PLXDC2: variants seen among roughly 807,000 people sequenced by gnomAD.
PLXDC2 encodes the protein plexin domain containing 2.
Under a neutral mutation model 68.9 loss-of-function variants are expected in PLXDC2, and 40 were observed. The ratio of observed to expected loss-of-function variants is 0.58; its 90% CI spans 0.45 to 0.76. The LOEUF (loss-of-function observed/expected upper bound fraction) is 0.76. Ranked by LOEUF, PLXDC2 falls within the 30% of genes least tolerant of loss-of-function variation. The pLI is 0.00. For synonymous variants in PLXDC2, 243 were observed against 234.2 expected, an observed-to-expected ratio of 1.04 and a Z score of -0.34; for missense variants, 644 against 661.9, an observed-to-expected ratio of 0.97 and a Z score of 0.30.
At chr10:19,882,771 G>T (rs984940833) in intron 1 of PLXDC2, among the ~76,000 whole-genome samples, 27 of 152,122 alleles carry the variant, frequency 1.8e-4, no homozygotes, top group Non-Finnish European at 4.4e-5. Flanking sequence ...CCAACATTCT[G>T]ACAAGGCCAG....
intron 9 of PLXDC2, among the ~76,000 whole-genome samples, chr10:20,182,540 G>A (rs937270147): frequency 3.3e-5 from 5 of 151,956 alleles, no homozygotes; most frequent in African/African-American, 1.2e-4. Context: ...TATGAGTGAT[G>A]AATAAACCCA....
Position 20,131,556 on chromosome 10 carries a change from T to A in PLXDC2, c.542-11739T>A, listed in dbSNP as rs563703762. Among the ~76,000 whole-genome samples, 9 of 152,186 alleles carry A rather than the reference T, an allele frequency of 5.9e-5. No individual in the cohort carries two copies. The East Asian group carries it at 9.7e-4, about 16-fold the overall frequency. On this transcript the variant is annotated intron_variant, in intron 4 of 13. Transcript: ENST00000377252. The stretch of plus-strand genomic sequence containing the variant: ...CTGGAATTATGGGCACATGCCACCA[T>A]GCCCAGCTAATTTTTGTATTTTTAA...
At chr10:20,100,514 T>C (rs1321411674) in intron 4 of PLXDC2, among the ~76,000 whole-genome samples, 1 of 152,114 alleles carries the variant, frequency 6.6e-6, no homozygotes, top group Non-Finnish European at 1.5e-5. Context: ...GTGCAAGCAT[T>C]TTGTGTAATT....
chr10:19,878,325 C>G (rs940574229), intron 1 of PLXDC2, among the ~76,000 whole-genome samples: 5 of 151,760 alleles, frequency 3.3e-5, no homozygotes. Flanking sequence ...TCTCAGCCTC[C>G]TAAGTATCTG....
At chr10:20,013,796 A>G (rs1835156914) in intron 2 of PLXDC2, among the ~76,000 whole-genome samples, 1 of 152,218 alleles carries the variant, frequency 6.6e-6, no homozygotes, top group Admixed American at 6.5e-5. Context: ...ACATATTTTA[A>G]TAAAAAATGA....
chr10:20,087,650 T>G (rs1237183194), intron 4 of PLXDC2, among the ~76,000 whole-genome samples: 2 of 152,220 alleles, frequency 1.3e-5, no homozygotes, highest in Admixed American at 1.3e-4. Flanking sequence ...TTGGATATAC[T>G]ATCTCTGATG....
At chr10:19,854,200 G>A (rs968318601) in intron 1 of PLXDC2, among the ~76,000 whole-genome samples, 22 of 152,208 alleles carry the variant, frequency 1.4e-4, no homozygotes, top group Non-Finnish European at 3.1e-4. Flanking sequence ...AGGCCTGGGA[G>A]GCAAGTGGCC....
chr10:20,162,147 AAAGGAAGG>A (rs201357088), intron 6 of PLXDC2, among the ~76,000 whole-genome samples: 2 of 150,832 alleles, frequency 1.3e-5, no homozygotes, highest in Admixed American at 6.6e-5. Flanking sequence ...AAGGAAAGAA[AAAGGAAGG>A]AAGGAAGGAA....
intron 4 of PLXDC2, among the ~76,000 whole-genome samples, chr10:20,141,169 G>C (rs752296207): frequency 1.3e-5 from 2 of 151,938 alleles, no homozygotes; most frequent in East Asian, 3.9e-4. Flanking sequence ...ACATTTTCCC[G>C]ATCAAAAGAA....
chr10:20,200,140 A>AC (rs1054324575), intron 9 of PLXDC2, among the ~76,000 whole-genome samples: 1 of 138,652 alleles, frequency 7.2e-6, no homozygotes, highest in Non-Finnish European at 1.7e-5. Context: ...TATGCCAAAA[A>AC]CAAAACAAAA....
chr10:20,217,926 G>A (rs748777896), intron 11 of PLXDC2, among the ~76,000 whole-genome samples: 19 of 151,984 alleles, frequency 1.3e-4, no homozygotes, highest in Non-Finnish European at 2.4e-4. Flanking sequence ...ACAATCACAG[G>A]TTAGAAAGGC....
chr10:20,231,886 A>G (rs1397404256), intron 12 of PLXDC2, among the ~76,000 whole-genome samples: 4 of 151,976 alleles, frequency 2.6e-5, no homozygotes, highest in Admixed American at 2.6e-4. Context: ...ACATAATGGC[A>G]TACGCCTGTA....
At chr10:19,955,200 A>ATTT (rs11418538) in intron 1 of PLXDC2, among the ~76,000 whole-genome samples, 7 of 132,856 alleles carry the variant, frequency 5.3e-5, no homozygotes, top group African/African-American at 1.4e-4. Flanking sequence ...TCATTTTTCA[A>ATTT]TTTTTTTTTT....
At chr10:20,119,434 A>G (rs1407272163) in intron 4 of PLXDC2, among the ~76,000 whole-genome samples, 3 of 151,930 alleles carry the variant, frequency 2.0e-5, no homozygotes, top group African/African-American at 7.2e-5. Flanking sequence ...AGCCAGGATG[A>G]GCCAGGAGAA....
intron 1 of PLXDC2, among the ~76,000 whole-genome samples, chr10:19,875,513 A>G (rs1018227060): frequency 6.6e-6 from 1 of 152,230 alleles, no homozygotes; most frequent in African/African-American, 2.4e-5. Context: ...ATTAACAGTC[A>G]TAGAGGTAGT....
chr10:20,143,501 G>A (rs1411448215), intron 5 of PLXDC2, 84 bp downstream of exon 5: 6 of 1,554,546 alleles, frequency 3.9e-6, no homozygotes, highest in Non-Finnish European at 5.3e-6. Context: ...TTTGTAAACT[G>A]TTTATTTTTT....
intron 4 of PLXDC2, among the ~76,000 whole-genome samples, chr10:20,093,418 G>C (rs1471897342): frequency 1.3e-5 from 2 of 151,974 alleles, no homozygotes; most frequent in African/African-American, 4.8e-5. Flanking sequence ...TAATGGGCCA[G>C]CCATTGGCAA....
intron 7 of PLXDC2, among the ~76,000 whole-genome samples, chr10:20,174,401 T>C (rs1834496741): frequency 6.6e-6 from 1 of 152,194 alleles, no homozygotes; most frequent in South Asian, 2.1e-4. Context: ...AGTTTACTTT[T>C]TGAAAAATGT....
rs189315977 is a variant in PLXDC2, at chr10:20,202,501, T to C, written c.1062-9168T>C. ...AGTAACCCAGCGGGGCTTAAACTTG[T>C]GAAATTCTTGAAGCCACAATGCTCT... On this transcript the variant is annotated intron_variant, in intron 9 of 13. Transcript: ENST00000377252. Among the ~76,000 whole-genome samples the C allele has an allele frequency of 2.0e-5, 3 of 152,262 alleles. No homozygotes were observed. In the East Asian group the frequency reaches 5.8e-4, roughly 29 times the overall value.
Sources: gnomAD v4.1 joint callset for allele counts (sites outside exome capture counted in the v4.1 genomes callset) on GRCh38, gnomAD v4.1.1 for gene constraint, MANE v1.5 for transcripts, NCBI Gene and HGNC (gene_info 2026-07-23, HGNC 2026-07-21) for gene names.